TNIK: variants seen among roughly 807,000 people sequenced by gnomAD.
TNIK encodes the protein TRAF2 and NCK interacting kinase, also known as TRAF2 and NCK-interacting protein kinase.
In TNIK, 49 loss-of-function variants were observed where a neutral mutation model predicts 191.3. The ratio of observed to expected loss-of-function variants is 0.26; its 90% CI spans 0.20 to 0.32. The LOEUF (loss-of-function observed/expected upper bound fraction) is 0.32, where lower values mean the gene tolerates loss of function less well. Among genes scored for constraint, TNIK ranks in the 10% least tolerant of loss-of-function variants. The pLI is 1.00. For missense variants in TNIK, 1,155 were observed against 1,702.3 expected, an observed-to-expected ratio of 0.68 and a Z score of 5.66; for synonymous variants, 594 against 600.9, an observed-to-expected ratio of 0.99 and a Z score of 0.17.
At chr3:171,218,961 A>C (rs1332114341) in intron 3 of TNIK, among the ~76,000 whole-genome samples, 3 of 130,136 alleles carry the variant, frequency 2.3e-5, no homozygotes, top group Non-Finnish European at 4.7e-5. Context: ...AATAAATATT[A>C]AATATTTATA....
At chr3:171,204,524 A>G (rs1338228750) in intron 4 of TNIK, among the ~76,000 whole-genome samples, 5 of 152,236 alleles carry the variant, frequency 3.3e-5, no homozygotes, top group African/African-American at 1.2e-4. Context: ...TATATAATTC[A>G]TAATATTTTT....
intron 1 of TNIK, among the ~76,000 whole-genome samples, chr3:171,441,159 T>C (rs1577951208): frequency 6.6e-6 from 1 of 152,160 alleles, no homozygotes; most frequent in East Asian, 1.9e-4. Flanking sequence ...TGTGTGGAGC[T>C]GGTCAACTAT....
At chr3:171,394,024 A>G (rs1024334503) in intron 1 of TNIK, among the ~76,000 whole-genome samples, 1 of 152,236 alleles carries the variant, frequency 6.6e-6, no homozygotes, top group African/African-American at 2.4e-5. Context: ...TGCACATGCC[A>G]TGGACGAAAT....
At chr3:171,088,899 CCTA>C (rs1314212054) in intron 23 of TNIK, among the ~76,000 whole-genome samples, 1 of 152,154 alleles carries the variant, frequency 6.6e-6, no homozygotes, top group South Asian at 2.1e-4. Context: ...TTTTTTAGTT[CCTA>C]CTAAGTGTAA....
intron 2 of TNIK, among the ~76,000 whole-genome samples, chr3:171,311,034 G>A (rs926141175): frequency 3.0e-4 from 45 of 152,094 alleles, no homozygotes; most frequent in African/African-American, 1.0e-3. Flanking sequence ...TCCACTCACC[G>A]CTCCTACTCA....
chr3:171,372,716 C>T (rs184632981), intron 1 of TNIK, among the ~76,000 whole-genome samples: 71 of 152,266 alleles, frequency 4.7e-4, no homozygotes, highest in African/African-American at 1.6e-3. Context: ...TTCAGATGAA[C>T]GTCATCCCTA....
intron 20 of TNIK, 162 bp downstream of exon 20, chr3:171,107,903 T>G: frequency 1.6e-6 from 1 of 611,892 alleles, no homozygotes; most frequent in Non-Finnish European, 2.6e-6. Flanking sequence ...TCTCTTCGGT[T>G]CTTTCCTAAT....
At chr3:171,310,652 A>C (rs1396959900) in intron 2 of TNIK, among the ~76,000 whole-genome samples, 1 of 152,092 alleles carries the variant, frequency 6.6e-6, no homozygotes, top group Non-Finnish European at 1.5e-5. Flanking sequence ...AATTTCTTTT[A>C]CTTTTTGTAT....
chr3:171,300,988 G>C (rs1752814883), intron 2 of TNIK, among the ~76,000 whole-genome samples: 1 of 152,102 alleles, frequency 6.6e-6, no homozygotes, highest in African/African-American at 2.4e-5. Context: ...CAAAAACTTT[G>C]GGTAAAGGTT....
chr3:171,145,297 AG>A (rs1731403503), intron 12 of TNIK, among the ~76,000 whole-genome samples: 1 of 152,144 alleles, frequency 6.6e-6, no homozygotes, highest in Non-Finnish European at 1.5e-5. Flanking sequence ...CGTGTTAGCC[AG>A]GATGGTCTCG....
chr3:171,065,647 C>T (rs1224217476), intron 32 of TNIK, among the ~76,000 whole-genome samples: 1 of 152,190 alleles, frequency 6.6e-6, no homozygotes, highest in Non-Finnish European at 1.5e-5. Context: ...AAACAGTTCA[C>T]CTATGACATT....
chr3:171,418,405 G>A (rs1425799984), intron 1 of TNIK, among the ~76,000 whole-genome samples: 2 of 152,094 alleles, frequency 1.3e-5, no homozygotes, highest in African/African-American at 2.4e-5. Flanking sequence ...GTTCATAGCA[G>A]CATTATTCAT....
chr3:171,062,454 A>G lies in TNIK; in HGVS notation c.*1427T>C, dbSNP rs1244440307. ...ATATTGTTTGCAACACCTCGATACCACAGGCGGCCATGCTTGTAGCTTTGG... is the reference window on the plus strand; with the variant it reads ...ATATTGTTTGCAACACCTCGATACCGCAGGCGGCCATGCTTGTAGCTTTGG... On this transcript the variant is annotated 3_prime_UTR_variant, in exon 33 of 33. Transcript: ENST00000436636. 6.6e-6 allele frequency: 1 copy of G among 152,098 alleles called. No homozygotes were observed. The highest frequency in any genetic ancestry group is 1.5e-5 in the Non-Finnish European group (1 of 68,028). 9.4% of individuals were successfully genotyped at this position (152,098 alleles called of 1,614,324 possible). A position where few individuals can be genotyped will look rare whatever the true frequency, so the allele number is the denominator to read the frequency against.
chr3:171,117,692 C>T (rs559244094), intron 18 of TNIK, among the ~76,000 whole-genome samples: 10 of 152,162 alleles, frequency 6.6e-5, no homozygotes, highest in South Asian at 2.1e-4. Flanking sequence ...GTTCTCTGGC[C>T]GGGCGCGGTG....
At chr3:171,247,949 G>C (rs1424242724) in intron 2 of TNIK, among the ~76,000 whole-genome samples, 1 of 152,196 alleles carries the variant, frequency 6.6e-6, no homozygotes, top group African/African-American at 2.4e-5. Context: ...GGTCTGAAAA[G>C]AGATGAAACT....
chr3:171,369,659 C>A lies in TNIK; in HGVS notation c.84G>T (p.Val28=). ...LRDPAGIFEL[V]ELVGNGTYGQ... Reference sequence around the variant, plus strand: ...CGTATGTTCCATTTCCAACAAGTTCCACCAATTCAAAGATCCCTGCGGGGT... The same window carrying A: ...CGTATGTTCCATTTCCAACAAGTTCAACCAATTCAAAGATCCCTGCGGGGT... Residue 28 remains valine (V), a synonymous_variant, in exon 2 of 33, where the codon GTG becomes GTT. Transcript: ENST00000436636. 6.3e-7 allele frequency: 1 copy of A among 1,575,412 alleles called. No homozygotes were observed.
intron 1 of TNIK, among the ~76,000 whole-genome samples, chr3:171,378,435 A>G (rs1018767434): frequency 3.3e-5 from 5 of 152,238 alleles, no homozygotes; most frequent in African/African-American, 4.8e-5. Flanking sequence ...ATTACTTGAT[A>G]TAATAATTAA....
intron 2 of TNIK, among the ~76,000 whole-genome samples, chr3:171,293,898 A>G (rs1751968422): frequency 6.6e-6 from 1 of 152,130 alleles, no homozygotes; most frequent in Admixed American, 6.5e-5. Flanking sequence ...TGAGCAACAC[A>G]GCAAGAGCTC....
At chr3:171,301,939 G>GA (rs148744339) in intron 2 of TNIK, among the ~76,000 whole-genome samples, 7,263 of 152,198 alleles carry the variant, frequency 0.048, 202 homozygotes, top group Middle Eastern at 0.11. Flanking sequence ...TGGTTCAGGG[G>GA]AAAAAATTTG....
Sources: gnomAD v4.1 joint callset for allele counts (sites outside exome capture counted in the v4.1 genomes callset) on GRCh38, gnomAD v4.1.1 for gene constraint, MANE v1.5 for transcripts, NCBI Gene and HGNC (gene_info 2026-07-23, HGNC 2026-07-21) for gene names.